The following SLC7A8 variants were observed in gnomAD, a reference collection of about 807,000 sequenced individuals.
SLC7A8 encodes large neutral amino acids transporter small subunit 2.
In SLC7A8, 30 loss-of-function variants were observed where a neutral mutation model predicts 51.2. The ratio of observed to expected loss-of-function variants is 0.59; its 90% CI spans 0.44 to 0.80. The LOEUF (loss-of-function observed/expected upper bound fraction) is 0.80, where lower values mean the gene tolerates loss of function less well. Among genes scored for constraint, SLC7A8 ranks in the 30% least tolerant of loss-of-function variants. The pLI is 0.00. For missense variants in SLC7A8, 612 were observed against 674.4 expected (o/e 0.91, Z 1.03); for synonymous variants, 257 against 275.8 (o/e 0.93, Z 0.67).
At chr14:23,142,862 C>T (rs1374893556) in intron 4 of SLC7A8, among the ~76,000 whole-genome samples, 1 of 152,102 alleles carries the variant, frequency 6.6e-6, no homozygotes, top group Non-Finnish European at 1.5e-5. Flanking sequence ...GAGAGGTGAC[C>T]TTTGCAGCCT....
intron 3 of SLC7A8, among the ~76,000 whole-genome samples, chr14:23,163,540 C>T (rs1467272772): frequency 6.6e-6 from 1 of 152,182 alleles, no homozygotes; most frequent in Non-Finnish European, 1.5e-5. Context: ...GCCAAGGAGA[C>T]CGCCTCTTGG....
At chr14:23,166,682 T>A in intron 1 of SLC7A8, 142 bp from the exon 2 acceptor site, 1 of 813,040 alleles carries the variant, frequency 1.2e-6, no homozygotes, top group Non-Finnish European at 2.0e-6. Context: ...CAGGTGTGCC[T>A]AGCAATAATT....
chr14:23,171,160 G>A (rs538534432), intron 1 of SLC7A8, among the ~76,000 whole-genome samples: 1 of 152,296 alleles, frequency 6.6e-6, no homozygotes, highest in African/African-American at 2.4e-5. Flanking sequence ...TATTGCTGAG[G>A]TACTCAAGGT....
At chr14:23,162,033 T>TA (rs993354818) in intron 3 of SLC7A8, among the ~76,000 whole-genome samples, 8 of 116,478 alleles carry the variant, frequency 6.9e-5, no homozygotes, top group African/African-American at 2.9e-4. Context: ...TGGCCTGCCA[T>TA]AAAATTCAAA....
rs866605613 is a variant in SLC7A8, at chr14:23,137,717, A to G, written c.1016+204T>C. On this transcript the variant is annotated intron_variant, in intron 7 of 10. Transcript: ENST00000316902. ...CACCTAGGACCCGTATGCCACACACATCGCAGGTGACCACGTGAGCAGCAC... is the reference window on the plus strand; with the variant it reads ...CACCTAGGACCCGTATGCCACACACGTCGCAGGTGACCACGTGAGCAGCAC... Among the ~76,000 whole-genome samples, 15 of 152,234 alleles carry G rather than the reference A, an allele frequency of 9.9e-5. No homozygotes were observed. The Middle Eastern group carries it at 0.01, about 104-fold the overall frequency.
At chr14:23,182,117 G>A (rs1464020815) in intron 1 of SLC7A8, among the ~76,000 whole-genome samples, 1 of 152,154 alleles carries the variant, frequency 6.6e-6, no homozygotes, top group Non-Finnish European at 1.5e-5. Context: ...GACCCCACCA[G>A]GCAACTGGAG....
intron 7 of SLC7A8, among the ~76,000 whole-genome samples, chr14:23,132,368 GA>G (rs1237111667): frequency 2.0e-5 from 3 of 152,088 alleles, no homozygotes; most frequent in African/African-American, 7.2e-5. Context: ...ATTGGTGGTG[GA>G]AATGTTCTCT....
At chr14:23,140,046 T>C (rs975900559) in intron 5 of SLC7A8, among the ~76,000 whole-genome samples, 1 of 151,974 alleles carries the variant, frequency 6.6e-6, no homozygotes, top group African/African-American at 2.4e-5. Context: ...GTTAAAAAAA[T>C]GAAGGCAATA....
chr14:23,154,236 A>ACCC, intron 3 of SLC7A8: 1 of 1,000,046 alleles, frequency 1.0e-6, no homozygotes, highest in South Asian at 4.7e-5. Flanking sequence ...GGCCTGCCAG[A>ACCC]AGGGTTGGCT....
At chr14:23,161,049 A>T (rs2048918981) in intron 3 of SLC7A8, among the ~76,000 whole-genome samples, 1 of 151,946 alleles carries the variant, frequency 6.6e-6, no homozygotes, top group Non-Finnish European at 1.5e-5. Flanking sequence ...TAAATAATAG[A>T]ATAACTCGAA....
intron 3 of SLC7A8, chr14:23,155,308 C>T (rs1052412826): frequency 2.0e-6 from 3 of 1,535,806 alleles, no homozygotes; most frequent in African/African-American, 2.7e-5. Context: ...CCTGGAGGCA[C>T]ACAGCTTTTA....
intron 5 of SLC7A8, 91 bp downstream of exon 5, chr14:23,140,380 G>A (rs1206876876): frequency 7.5e-6 from 10 of 1,327,488 alleles, no homozygotes; most frequent in South Asian, 1.4e-5. Flanking sequence ...TTTGGAAGGC[G>A]AGGTGGGCAA....
intron 3 of SLC7A8, among the ~76,000 whole-genome samples, chr14:23,162,009 A>T (rs1801323716): frequency 6.7e-6 from 1 of 149,274 alleles, no homozygotes. Context: ...AGAGGATTGG[A>T]TGCTTATCTG....
rs1485679404 is a variant in SLC7A8 at position 23,138,058 on chromosome 14, A to G, written c.913-34T>C. On this transcript the variant is annotated intron_variant, in intron 6 of 10. Transcript: ENST00000316902. ...GGAACCAAGGAGATAAGCAAAGGAGAGGTCACCACTCCCCGACCCCTCAGC... is the reference window on the plus strand; with the variant it reads ...GGAACCAAGGAGATAAGCAAAGGAGGGGTCACCACTCCCCGACCCCTCAGC... The G allele has an allele frequency of 2.5e-6, 4 of 1,611,962 alleles. No individual in the cohort carries two copies. In the African/African-American group the frequency reaches 5.3e-5, roughly 22 times the overall value.
intron 3 of SLC7A8, among the ~76,000 whole-genome samples, chr14:23,153,877 A>C (rs1198173424): frequency 6.6e-6 from 1 of 152,172 alleles, no homozygotes; most frequent in African/African-American, 2.4e-5. Flanking sequence ...ATAAGTGAAA[A>C]CAGGCAGTAG....
At chr14:23,135,549 C>CA (rs2048682199) in intron 7 of SLC7A8, among the ~76,000 whole-genome samples, 1 of 151,380 alleles carries the variant, frequency 6.6e-6, no homozygotes, top group Non-Finnish European at 1.5e-5. Context: ...AAAAATACAA[C>CA]AAATTAGCCA....
intron 3 of SLC7A8, among the ~76,000 whole-genome samples, chr14:23,161,385 G>T (rs1433654838): frequency 6.6e-6 from 1 of 151,942 alleles, no homozygotes; most frequent in Non-Finnish European, 1.5e-5. Flanking sequence ...TCTCCACAGA[G>T]GGTGGCCTTT....
chr14:23,134,015 A>T (rs751578271), intron 7 of SLC7A8, among the ~76,000 whole-genome samples: 5 of 151,966 alleles, frequency 3.3e-5, no homozygotes, highest in Non-Finnish European at 7.4e-5. Flanking sequence ...ATGATGGCTC[A>T]CTGTAGCCTT....
At chr14:23,133,827 G>GA (rs1277769867) in intron 7 of SLC7A8, among the ~76,000 whole-genome samples, 302 of 136,184 alleles carry the variant, frequency 2.2e-3, no homozygotes, top group Non-Finnish European at 2.9e-3. Flanking sequence ...CTGTCTCAAA[G>GA]AAAAAAAAAA....
Sources: gnomAD v4.1 joint callset for allele counts (sites outside exome capture counted in the v4.1 genomes callset) on GRCh38, gnomAD v4.1.1 for gene constraint, MANE v1.5 for transcripts, NCBI Gene and HGNC (gene_info 2026-07-23, HGNC 2026-07-21) for gene names.